Variants in GABBR2 observed in about 807,000 individuals in gnomAD.
The protein encoded by GABBR2 is gamma-aminobutyric acid type B receptor subunit 2.
A neutral mutation model predicts 105.6 loss-of-function variants in GABBR2; 23 were observed. The observed-to-expected ratio is 0.22, with a 90% CI of 0.16 to 0.31. GABBR2 has a LOEUF of 0.31. Ranked by LOEUF, GABBR2 falls within the 10% of genes least tolerant of loss-of-function variation. The probability of loss-of-function intolerance (pLI) is 1.00; values close to 1 mark genes in which losing one functional copy is unlikely to be tolerated. For synonymous variants in GABBR2, 478 were observed against 499.7 expected, an observed-to-expected ratio of 0.96 and a Z score of 0.58; for missense variants, 734 against 1,245.5, an observed-to-expected ratio of 0.59 and a Z score of 6.18.
intron 2 of GABBR2, among the ~76,000 whole-genome samples, chr9:98,577,228 A>ATGGATGGATGGATGGATGGATG (rs769775744): frequency 7.9e-5 from 12 of 151,158 alleles, no homozygotes; most frequent in East Asian, 3.9e-4. Flanking sequence ...GGATGGATGG[A>ATGGATGGATGGATGGATGGATG]GCAAAAAAGT....
intron 5 of GABBR2, among the ~76,000 whole-genome samples, chr9:98,473,814 G>A (rs1471456823): frequency 6.6e-6 from 1 of 152,148 alleles, no homozygotes; most frequent in Non-Finnish European, 1.5e-5. Context: ...ATATGGAGAG[G>A]ATACTGTCAA....
chr9:98,313,884 C>T (rs952551821), intron 13 of GABBR2, among the ~76,000 whole-genome samples: 1 of 152,072 alleles, frequency 6.6e-6, no homozygotes, highest in Non-Finnish European at 1.5e-5. Flanking sequence ...ACCTGGGCTT[C>T]TGTGAGGTGG....
At chr9:98,644,691 A>T (rs1215426511) in intron 1 of GABBR2, among the ~76,000 whole-genome samples, 1 of 152,062 alleles carries the variant, frequency 6.6e-6, no homozygotes, top group Non-Finnish European at 1.5e-5. Flanking sequence ...AAAACACAAA[A>T]ATTAGCTGGG....
intron 2 of GABBR2, among the ~76,000 whole-genome samples, chr9:98,576,908 A>T (rs1331942554): frequency 1.0e-5 from 1 of 100,156 alleles, no homozygotes; most frequent in Non-Finnish European, 1.8e-5. Context: ...TATTTGTTGG[A>T]TGGATGGATG....
chr9:98,369,986 G>A (rs1831749839), intron 12 of GABBR2, among the ~76,000 whole-genome samples: 1 of 152,076 alleles, frequency 6.6e-6, no homozygotes. Flanking sequence ...AGGAGTCTTT[G>A]CAGCCTGGGG....
At chr9:98,552,523 G>A (rs1411561965) in intron 2 of GABBR2, among the ~76,000 whole-genome samples, 2 of 152,194 alleles carry the variant, frequency 1.3e-5, no homozygotes, top group Non-Finnish European at 2.9e-5. Flanking sequence ...GTCTGCGCCA[G>A]GTCGCCGCTG....
chr9:98,604,629 C>A (rs924647629), intron 1 of GABBR2, among the ~76,000 whole-genome samples: 7 of 152,154 alleles, frequency 4.6e-5, no homozygotes, highest in Non-Finnish European at 1.0e-4. Flanking sequence ...GTTTTTAATG[C>A]TGGCTGGATG....
At position 98,629,725 on chromosome 9, in the gene GABBR2, G is replaced by A. The variant is rs536767286; in HGVS notation, c.322-51653C>T. ...TTTCTTGATTGTGATTGGTTCAGGT[G>A]TAAGCCAATGAGAACATACAACTCC... On this transcript the variant is annotated intron_variant, in intron 1 of 18. Transcript: ENST00000259455. Among the ~76,000 whole-genome samples the A allele has an allele frequency of 2.3e-4, 35 of 152,296 alleles. 1 individual carries two copies. Among genetic ancestry groups the A allele is most frequent in the African/African-American group, 7.7e-4 (32 of 41,566 alleles).
chr9:98,368,454 G>A (rs1237706803), intron 12 of GABBR2, among the ~76,000 whole-genome samples: 3 of 152,238 alleles, frequency 2.0e-5, no homozygotes, highest in Admixed American at 1.3e-4. Flanking sequence ...GACCCTTGGC[G>A]GGGACCGAGT....
chr9:98,648,101 G>A (rs1487611696), intron 1 of GABBR2, among the ~76,000 whole-genome samples: 1 of 82,958 alleles, frequency 1.2e-5, no homozygotes, highest in Middle Eastern at 5.4e-3. Flanking sequence ...GTGTGTGTGT[G>A]TGTGTGTGTG....
At chr9:98,305,675 C>T (rs761788496) in intron 15 of GABBR2, among the ~76,000 whole-genome samples, 17 of 152,088 alleles carry the variant, frequency 1.1e-4, no homozygotes, top group Non-Finnish European at 2.2e-4. Context: ...ATTAGCCAGG[C>T]GTGGTGGTGC....
intron 7 of GABBR2, among the ~76,000 whole-genome samples, chr9:98,446,743 A>T (rs889672007): frequency 1.3e-5 from 2 of 152,188 alleles, no homozygotes; most frequent in African/African-American, 4.8e-5. Context: ...AAGGGACCTC[A>T]GAATAGGAAA....
chr9:98,626,438 T>A (rs1035697455), intron 1 of GABBR2, among the ~76,000 whole-genome samples: 3 of 152,194 alleles, frequency 2.0e-5, no homozygotes, highest in East Asian at 1.9e-4. Context: ...GTTATTTTTT[T>A]AAAAAGGATA....
At chr9:98,315,293 C>G (rs768944612) in intron 13 of GABBR2, among the ~76,000 whole-genome samples, 3 of 152,150 alleles carry the variant, frequency 2.0e-5, no homozygotes, top group Non-Finnish European at 4.4e-5. Flanking sequence ...GGTGGCCGAG[C>G]TGCTCCCACA....
At chr9:98,310,022 T>C (rs1458493815) in intron 14 of GABBR2, among the ~76,000 whole-genome samples, 1 of 152,130 alleles carries the variant, frequency 6.6e-6, no homozygotes, top group Non-Finnish European at 1.5e-5. Flanking sequence ...TTTTGGCCTC[T>C]AAGTGGGGTC....
intron 13 of GABBR2, among the ~76,000 whole-genome samples, chr9:98,312,327 G>A (rs1830648582): frequency 6.6e-6 from 1 of 152,130 alleles, no homozygotes; most frequent in Non-Finnish European, 1.5e-5. Context: ...CATTGTTTCT[G>A]AAAAATCTAG....
chr9:98,301,126 C>G (rs1830462585), intron 16 of GABBR2, among the ~76,000 whole-genome samples: 1 of 152,148 alleles, frequency 6.6e-6, no homozygotes, highest in Non-Finnish European at 1.5e-5. Context: ...GTGAGCCCCT[C>G]TAGCAAATTA....
chr9:98,565,071 G>A (rs1424728273), intron 2 of GABBR2, among the ~76,000 whole-genome samples: 1 of 152,310 alleles, frequency 6.6e-6, no homozygotes, highest in African/African-American at 2.4e-5. Context: ...TGAGGGGAAA[G>A]GACCAGACGG....
rs550447491 is a variant in GABBR2 at position 98,469,326 on chromosome 9, G to A, written c.999+3820C>T. ...ACACACATTCAAACAACCAGATCTC[G>A]TGAGAACTCATTCACTATCACAAGA... is the stretch of plus-strand genomic sequence containing the variant. On this transcript the variant is annotated intron_variant, in intron 6 of 18. Coordinates refer to ENST00000259455, the MANE Select transcript of GABBR2 (RefSeq NM_005458.8). 2.6e-5 allele frequency among the ~76,000 whole-genome samples: 4 copies of A among 152,276 alleles called. No homozygotes were observed. The East Asian group carries it at 5.8e-4, about 22-fold the overall frequency.
Sources: gnomAD v4.1 joint callset for allele counts (sites outside exome capture counted in the v4.1 genomes callset) on GRCh38, gnomAD v4.1.1 for gene constraint, MANE v1.5 for transcripts, NCBI Gene and HGNC (gene_info 2026-07-23, HGNC 2026-07-21) for gene names.